CDYL2: variants seen among roughly 807,000 people sequenced by gnomAD.
The protein encoded by CDYL2 is chromodomain Y like 2, also known as chromodomain Y-like protein 2.
A neutral mutation model predicts 49.4 loss-of-function variants in CDYL2; 23 were observed. That is an observed-to-expected ratio of 0.47 (90% CI 0.34 to 0.66). The LOEUF is 0.66. Among genes scored for constraint, CDYL2 ranks in the 30% least tolerant of loss-of-function variants. The probability of loss-of-function intolerance (pLI) is 0.01; values close to 1 mark genes in which losing one functional copy is unlikely to be tolerated. For synonymous variants in CDYL2, 360 were observed against 268.8 expected (o/e 1.34, Z -3.32); for missense variants, 678 against 656.4 (o/e 1.03, Z -0.36).
chr16:80,665,253 G>A (rs1390502178), intron 2 of CDYL2, among the ~76,000 whole-genome samples: 1 of 152,112 alleles, frequency 6.6e-6, no homozygotes, highest in African/African-American at 2.4e-5. Flanking sequence ...TCAGGTGGAA[G>A]CTGCGTCTAT....
At chr16:80,759,101 A>G (rs570990630) in intron 1 of CDYL2, among the ~76,000 whole-genome samples, 1 of 29,304 alleles carries the variant, frequency 3.4e-5, no homozygotes, top group South Asian at 1.4e-3. Flanking sequence ...CAAACCATAT[A>G]CTATATATAT....
chr16:80,754,355 A>G (rs11649471), intron 1 of CDYL2, among the ~76,000 whole-genome samples: 25,720 of 152,200 alleles, frequency 0.17, 2,930 homozygotes, highest in Middle Eastern at 0.35. Flanking sequence ...GTGGACAAGA[A>G]TCTAGGATTT....
chr16:80,687,570 C>A (rs147271920), intron 1 of CDYL2, among the ~76,000 whole-genome samples: 96 of 151,610 alleles, frequency 6.3e-4, no homozygotes, highest in African/African-American at 1.6e-3. Context: ...GGCTGGCTGG[C>A]TGGATGGATG....
At chr16:80,747,408 G>T (rs1905969288) in intron 1 of CDYL2, among the ~76,000 whole-genome samples, 1 of 152,070 alleles carries the variant, frequency 6.6e-6, no homozygotes. Flanking sequence ...TAGGGTTAGG[G>T]GAAGGATTTA....
intron 2 of CDYL2, among the ~76,000 whole-genome samples, chr16:80,648,048 T>C (rs112615772): frequency 0.023 from 3,430 of 151,884 alleles, 148 homozygotes; most frequent in African/African-American, 0.079. Flanking sequence ...TAAGTGCCTA[T>C]ACCAAAAAAG....
chr16:80,781,438 T>C (rs1379186472), intron 1 of CDYL2, among the ~76,000 whole-genome samples: 1 of 152,140 alleles, frequency 6.6e-6, no homozygotes, highest in Admixed American at 6.6e-5. Flanking sequence ...TCCACAATGG[T>C]TGGAGACTTC....
At chr16:80,678,207 C>A (rs1364276291) in intron 2 of CDYL2, among the ~76,000 whole-genome samples, 5 of 152,148 alleles carry the variant, frequency 3.3e-5, no homozygotes, top group Non-Finnish European at 5.9e-5. Flanking sequence ...ACGGGCAAGG[C>A]CTTCATGTCT....
chr16:80,653,839 G>A (rs142473160), intron 2 of CDYL2, among the ~76,000 whole-genome samples: 2 of 152,328 alleles, frequency 1.3e-5, no homozygotes, highest in African/African-American at 2.4e-5. Flanking sequence ...TTACACTTGC[G>A]TGTACACAGG....
At chr16:80,784,928 G>C (rs1023835179) in intron 1 of CDYL2, among the ~76,000 whole-genome samples, 3 of 152,170 alleles carry the variant, frequency 2.0e-5, no homozygotes, top group Non-Finnish European at 2.9e-5. Context: ...GGCAGGGCCA[G>C]AAGAGACAGC....
chr16:80,605,085 G>A (rs988113975), intron 6 of CDYL2, among the ~76,000 whole-genome samples: 2 of 151,906 alleles, frequency 1.3e-5, no homozygotes, highest in Admixed American at 1.3e-4. Flanking sequence ...ATAGTAAAGA[G>A]TAAAAATCAT....
chr16:80,613,405 GGTACAT>G (rs1238274001), intron 4 of CDYL2, among the ~76,000 whole-genome samples: 15 of 152,094 alleles, frequency 9.9e-5, no homozygotes, highest in Non-Finnish European at 1.9e-4. Flanking sequence ...TCAGATGGTG[GGTACAT>G]GTTGGGATTG....
intron 1 of CDYL2, among the ~76,000 whole-genome samples, chr16:80,691,277 G>A (rs1189154366): frequency 6.6e-6 from 1 of 152,226 alleles, no homozygotes; most frequent in African/African-American, 2.4e-5. Flanking sequence ...CTTGGGGTAT[G>A]AAGTCCTCAG....
At position 80,746,960 on chromosome 16, in the gene CDYL2, G is replaced by C. The variant is rs80150421; in HGVS notation, c.24+57190C>G. Among the ~76,000 whole-genome samples the C allele has an allele frequency of 5.0e-3, 756 of 152,166 alleles. 4 individuals are homozygous for C. Among genetic ancestry groups the C allele is most frequent in the African/African-American group, 0.018 (730 of 41,484 alleles). ...CAGCCCTAGGACTATATTCCAATATGGTAACAACTGGCTGGATTTCAAAAG... is the reference window on the plus strand; with the variant it reads ...CAGCCCTAGGACTATATTCCAATATCGTAACAACTGGCTGGATTTCAAAAG... On this transcript the variant is annotated intron_variant, in intron 1 of 6. Coordinates refer to ENST00000570137, the MANE Select transcript of CDYL2 (RefSeq NM_152342.4).
chr16:80,650,228 G>C (rs908393962), intron 2 of CDYL2, among the ~76,000 whole-genome samples: 5 of 151,984 alleles, frequency 3.3e-5, no homozygotes, highest in African/African-American at 1.2e-4. Flanking sequence ...ATCTGACAAG[G>C]GATTAATAAC....
chr16:80,720,535 T>A (rs757976852), intron 1 of CDYL2, among the ~76,000 whole-genome samples: 39 of 152,224 alleles, frequency 2.6e-4, no homozygotes, highest in Non-Finnish European at 2.9e-4. Flanking sequence ...AGGACACTGT[T>A]CTCTGCTGAC....
chr16:80,677,914 T>G (rs1325403411), intron 2 of CDYL2, among the ~76,000 whole-genome samples: 1 of 151,634 alleles, frequency 6.6e-6, no homozygotes, highest in Non-Finnish European at 1.5e-5. Flanking sequence ...AAAACAGAGA[T>G]ATAGATCAAT....
At chr16:80,795,514 C>G (rs1440663320) in intron 1 of CDYL2, among the ~76,000 whole-genome samples, 1 of 152,156 alleles carries the variant, frequency 6.6e-6, no homozygotes, top group Non-Finnish European at 1.5e-5. Flanking sequence ...AGCTTCTACT[C>G]GCTGGCTAAG....
At chr16:80,698,437 G>A (rs9928210) in intron 1 of CDYL2, among the ~76,000 whole-genome samples, 8,829 of 152,064 alleles carry the variant, frequency 0.058, 449 homozygotes, top group African/African-American at 0.14. Flanking sequence ...TTAAAAAATG[G>A]GCCAATGATC....
intron 1 of CDYL2, among the ~76,000 whole-genome samples, chr16:80,693,784 A>T (rs1910510096): frequency 6.6e-6 from 1 of 152,204 alleles, no homozygotes; most frequent in African/African-American, 2.4e-5. Context: ...CAAAAACCAC[A>T]GAGCTGTAGA....
Sources: allele counts gnomAD v4.1 joint callset (sites outside exome capture counted in the v4.1 genomes callset), GRCh38; gene constraint gnomAD v4.1.1; transcripts MANE v1.5; gene names NCBI Gene and HGNC (gene_info 2026-07-23, HGNC 2026-07-21).